ARHGAP28: variants seen among roughly 807,000 people sequenced by gnomAD.
ARHGAP28 encodes Rho GTPase activating protein 28.
ARHGAP28 carries 56 observed loss-of-function variants against 90.7 expected under a neutral mutation model. The ratio of observed to expected loss-of-function variants is 0.62; its 90% CI spans 0.50 to 0.77. The LOEUF is 0.77. ARHGAP28 is among the 30% of genes least tolerant of loss of function. ARHGAP28 has a pLI of 0.00. For synonymous variants in ARHGAP28, 308 were observed against 323.3 expected (o/e 0.95, Z 0.51); for missense variants, 869 against 900.9 (o/e 0.96, Z 0.45).
At chr18:6,879,267 C>T (rs192514020) in intron 10 of ARHGAP28, among the ~76,000 whole-genome samples, 5 of 152,288 alleles carry the variant, frequency 3.3e-5, no homozygotes, top group Admixed American at 2.6e-4. Flanking sequence ...GTTTGACATG[C>T]GAGATTTTCT....
At chr18:6,828,066 G>A (rs2056686810) in intron 2 of ARHGAP28, among the ~76,000 whole-genome samples, 1 of 152,190 alleles carries the variant, frequency 6.6e-6, no homozygotes, top group Admixed American at 6.5e-5. Context: ...GCACCATTGA[G>A]CACTGAGTTA....
intron 1 of ARHGAP28, among the ~76,000 whole-genome samples, chr18:6,781,803 TA>T: frequency 6.6e-6 from 1 of 152,208 alleles, no homozygotes; most frequent in South Asian, 2.1e-4. Context: ...GATGGGGTGG[TA>T]AAAAAAACTT....
At chr18:6,870,186 C>A (rs2057072193) in intron 6 of ARHGAP28, among the ~76,000 whole-genome samples, 1 of 152,200 alleles carries the variant, frequency 6.6e-6, no homozygotes, top group South Asian at 2.1e-4. Flanking sequence ...CAGTTTCCAG[C>A]CTTTCTTCCT....
chr18:6,803,360 A>T (rs2056496213), intron 1 of ARHGAP28, among the ~76,000 whole-genome samples: 1 of 151,854 alleles, frequency 6.6e-6, no homozygotes, highest in African/African-American at 2.4e-5. Context: ...TTATTTTTTC[A>T]TCTGTTAATA....
At chr18:6,905,996 G>A (rs1406315141) in intron 16 of ARHGAP28, among the ~76,000 whole-genome samples, 1 of 152,042 alleles carries the variant, frequency 6.6e-6, no homozygotes, top group Non-Finnish European at 1.5e-5. Context: ...TGCAATTCCT[G>A]TCAAAATTCC....
At chr18:6,813,786 T>A (rs1257238595) in intron 1 of ARHGAP28, among the ~76,000 whole-genome samples, 1 of 152,116 alleles carries the variant, frequency 6.6e-6, no homozygotes, top group East Asian at 1.9e-4. Flanking sequence ...GCTGTGTCAT[T>A]TTGGACAACT....
intron 3 of ARHGAP28, among the ~76,000 whole-genome samples, chr18:6,841,184 T>TC (rs1304956095): frequency 1.2e-3 from 65 of 54,362 alleles, no homozygotes; most frequent in African/African-American, 3.7e-3. Context: ...CTCTCTCCTC[T>TC]CTCTCTCTCT....
At chr18:6,766,458 T>C (rs1216259788) in intron 1 of ARHGAP28, among the ~76,000 whole-genome samples, 1 of 152,200 alleles carries the variant, frequency 6.6e-6, no homozygotes, top group East Asian at 1.9e-4. Context: ...ACAGCCTCAG[T>C]TGCCACACTT....
At chr18:6,767,662 T>C (rs975919006) in intron 1 of ARHGAP28, among the ~76,000 whole-genome samples, 3 of 152,194 alleles carry the variant, frequency 2.0e-5, no homozygotes, top group African/African-American at 7.2e-5. Context: ...GTGTGGTTCC[T>C]GACAAGAAGT....
At chr18:6,738,009 C>A (rs1202176449) in intron 1 of ARHGAP28, among the ~76,000 whole-genome samples, 1 of 152,148 alleles carries the variant, frequency 6.6e-6, no homozygotes, top group Non-Finnish European at 1.5e-5. Context: ...CTGCCTGTGT[C>A]ATGTTATTCT....
At chr18:6,864,844 C>G (rs2057026353) in intron 5 of ARHGAP28, among the ~76,000 whole-genome samples, 1 of 144,122 alleles carries the variant, frequency 6.9e-6, no homozygotes, top group African/African-American at 2.5e-5. Flanking sequence ...ACCACCATGC[C>G]CAGCTAAATT....
chr18:6,793,469 G>T (rs962696898), intron 1 of ARHGAP28, among the ~76,000 whole-genome samples: 1 of 152,168 alleles, frequency 6.6e-6, no homozygotes, highest in East Asian at 1.9e-4. Flanking sequence ...CTTTGAGGTG[G>T]ACAGAGATAG....
rs1016457052 is a variant in ARHGAP28 at position 6,841,172 on chromosome 18, C to G, written c.543+3758C>G. On this transcript the variant is annotated intron_variant, in intron 3 of 17. Transcript: ENST00000383472. ...TCTCTCCTCTTTCTCTCTCTCCTCT[C>G]TCTCTCTCCTCTCTCTCTCTCTCTC... Among the ~76,000 whole-genome samples, 433 of 76,208 alleles carry G rather than the reference C, an allele frequency of 5.7e-3. 3 individuals carry two copies. The highest frequency in any genetic ancestry group is 0.042 in the Middle Eastern group (7 of 166). 50.0% of individuals were successfully genotyped at this position (76,208 alleles called of 152,430 possible).
chr18:6,842,185 CA>C (rs1027007089), intron 3 of ARHGAP28, among the ~76,000 whole-genome samples: 1 of 151,884 alleles, frequency 6.6e-6, no homozygotes, highest in Non-Finnish European at 1.5e-5. Context: ...CATGTCTCTA[CA>C]AAAAAAATTT....
intron 4 of ARHGAP28, 26 bp from the exon 5 acceptor site, chr18:6,859,782 A>G (rs2056983202): frequency 8.1e-6 from 13 of 1,604,444 alleles, no homozygotes; most frequent in Non-Finnish European, 8.5e-6. Context: ...CCTGAATAAG[A>G]ATGGTACTTT....
In ARHGAP28 at chr18:6,824,755, T is replaced by C. The variant is rs886093602; in HGVS notation, c.123-7T>C. 2 of 1,531,204 alleles carry C rather than the reference T, an allele frequency of 1.3e-6. No homozygotes were observed. Among genetic ancestry groups the C allele is most frequent in the Non-Finnish European group, 1.7e-6 (2 of 1,145,466 alleles). The allele number at this position is 1,531,204 out of a possible 1,614,324, so 94.9% of individuals were successfully genotyped here. ...GTTTTTATTCATAGATATTATTCTT[T>C]CCTCAGAAAATCCATTCCTCGCTGC... On this transcript the variant is annotated splice_polypyrimidine_tract_variant and splice_region_variant and intron_variant, in intron 1 of 17. Coordinates refer to ENST00000383472, the MANE Select transcript of ARHGAP28 (RefSeq NM_001366230.1).
At chr18:6,817,824 G>A (rs373487058) in intron 1 of ARHGAP28, among the ~76,000 whole-genome samples, 1 of 152,214 alleles carries the variant, frequency 6.6e-6, no homozygotes, top group Non-Finnish European at 1.5e-5. Context: ...TTTTACTTAT[G>A]TGACTTTGGC....
rs372945507 is a variant in ARHGAP28 at position 6,732,826 on chromosome 18, C to T, written c.122+2883C>T. On this transcript the variant is annotated intron_variant, in intron 1 of 17. Transcript: ENST00000383472. Reference sequence around the variant, plus strand: ...TTCCGCTGCTTAGGATATTGACTAACGCAGAGGAAGCACCAGATATATTAG... The same window carrying T: ...TTCCGCTGCTTAGGATATTGACTAATGCAGAGGAAGCACCAGATATATTAG... 4.4e-4 allele frequency among the ~76,000 whole-genome samples: 67 copies of T among 152,272 alleles called. 3 individuals are homozygous for T. The South Asian group carries it at 0.011, about 25-fold the overall frequency.
intron 5 of ARHGAP28, among the ~76,000 whole-genome samples, chr18:6,864,857 T>A (rs924270696): frequency 6.6e-5 from 10 of 151,926 alleles, no homozygotes; most frequent in Non-Finnish European, 1.5e-4. Context: ...GCTAAATTTT[T>A]TTTTTTAAGT....
Sources: gnomAD v4.1 joint callset for allele counts (sites outside exome capture counted in the v4.1 genomes callset) on GRCh38, gnomAD v4.1.1 for gene constraint, MANE v1.5 for transcripts, NCBI Gene and HGNC (gene_info 2026-07-23, HGNC 2026-07-21) for gene names.